Variants in CFAP221 observed in about 807,000 individuals in gnomAD.
CFAP221 encodes the protein cilia- and flagella-associated protein 221.
A neutral mutation model predicts 113.1 loss-of-function variants in CFAP221; 97 were observed. That is an observed-to-expected ratio of 0.86 (90% confidence interval 0.73 to 1.02). The LOEUF (loss-of-function observed/expected upper bound fraction) is 1.02. Ranked by LOEUF, CFAP221 falls within the 50% of genes least tolerant of loss-of-function variation. CFAP221 has a pLI of 0.00. For synonymous variants in CFAP221, 331 were observed against 354.4 expected, an observed-to-expected ratio of 0.93 and a Z score of 0.74; for missense variants, 1,025 against 1,013.4, an observed-to-expected ratio of 1.01 and a Z score of -0.16.
At chr2:119,549,586 A>G (rs1193087628) in intron 3 of CFAP221, among the ~76,000 whole-genome samples, 1 of 152,246 alleles carries the variant, frequency 6.6e-6, no homozygotes, top group Non-Finnish European at 1.5e-5. Context: ...AGAGCTGCTT[A>G]GTGTCAGAGG....
At position 119,549,162 on chromosome 2, in the gene CFAP221, G is replaced by A; in HGVS notation, c.217G>A (p.Glu73Lys). ...AATACATTTTGGAGGCTATCAAGTA[G>A]AAAAACAACACCAACAGATTCTGGT... ...GIIHFGGYQVEKQHQQILHLV... is the reference protein window; with the variant it reads ...GIIHFGGYQVKKQHQQILHLV... The change falls in exon 3 of 24, where the codon GAA (glutamate) becomes AAA (lysine). Residue 73 changes from glutamate (E) to lysine (K), a missense_variant. By Grantham distance (56) the Glu-to-Lys change is moderately conservative. Coordinates refer to ENST00000413369, the MANE Select transcript of CFAP221 (RefSeq NM_001271049.2). 1 of 1,534,126 alleles carries A rather than the reference G, an allele frequency of 6.5e-7. No homozygotes were observed. Among genetic ancestry groups the A allele is most frequent in the Non-Finnish European group, 8.7e-7 (1 of 1,146,134 alleles).
At chr2:119,583,793 A>G (rs1462078025) in intron 6 of CFAP221, among the ~76,000 whole-genome samples, 1 of 152,198 alleles carries the variant, frequency 6.6e-6, no homozygotes, top group Non-Finnish European at 1.5e-5. Context: ...TAGTGTCCTT[A>G]TAAAAGAGAT....
chr2:119,559,296 GTAAT>G (rs1286821670), intron 3 of CFAP221, among the ~76,000 whole-genome samples: 1 of 152,182 alleles, frequency 6.6e-6, no homozygotes, highest in Non-Finnish European at 1.5e-5. Context: ...CCAGTGGCAT[GTAAT>G]TAGAGAACCT....
intron 20 of CFAP221, among the ~76,000 whole-genome samples, chr2:119,639,081 T>TG (rs1308142772): frequency 5.0e-4 from 73 of 147,342 alleles, no homozygotes; most frequent in Admixed American, 1.9e-3. Context: ...CCCGGGGGGG[T>TG]GGGGGGGCGG....
intron 2 of CFAP221, 25 bp from the exon 3 acceptor site, chr2:119,549,060 G>A (rs747467459): frequency 1.1e-5 from 15 of 1,412,542 alleles, no homozygotes; most frequent in South Asian, 2.7e-5. Flanking sequence ...GTCTCATGAT[G>A]TGCTTATCTA....
Position 119,638,326 on chromosome 2 carries a change from A to T in CFAP221, c.2042A>T (p.His681Leu). The change falls in exon 20 of 24, where the codon CAT becomes CTT. Residue 681 changes from histidine (H) to leucine (L), a missense_variant. Transcript: ENST00000413369. Reference sequence around the variant, plus strand: ...TATGCAGAAACGTTGATAGATTACCATCTATGCTCTCACCCCAAGTACAAA... The same window carrying T: ...TATGCAGAAACGTTGATAGATTACCTTCTATGCTCTCACCCCAAGTACAAA... ...LTYAETLIDY[H>L]LCSHPKYKFT... 6.2e-7 allele frequency: 1 copy of T among 1,614,066 alleles called. No individual in the cohort carries two copies. The highest frequency in any genetic ancestry group is 8.5e-7 in the Non-Finnish European group (1 of 1,179,900).
intron 7 of CFAP221, among the ~76,000 whole-genome samples, chr2:119,595,135 A>G (rs575818782): frequency 6.6e-6 from 1 of 152,364 alleles, no homozygotes; most frequent in East Asian, 1.9e-4. Flanking sequence ...ATGGTGTGGC[A>G]GCCTAGCTGC....
chr2:119,618,206 C>T (rs1203385433), intron 14 of CFAP221, among the ~76,000 whole-genome samples: 1 of 152,152 alleles, frequency 6.6e-6, no homozygotes, highest in African/African-American at 2.4e-5. Flanking sequence ...TTTATTTGCT[C>T]CTTACTGTAT....
Position 119,617,523 on chromosome 2 carries a change from C to A in CFAP221, c.1410+1814C>A, listed in dbSNP as rs566327617. 3.5e-4 allele frequency among the ~76,000 whole-genome samples: 54 copies of A among 152,348 alleles called. 1 individual carries two copies. The highest frequency in any genetic ancestry group is 1.2e-3 in the Admixed American group (18 of 15,304). ...ACCACCTTGGTCCTTCTGCACTGAG[C>A]CTTCCAGCCTGAAAAAGGGTATCAG... On this transcript the variant is annotated intron_variant, in intron 14 of 23. Transcript: ENST00000413369.
rs148880008 is a variant in CFAP221, at chr2:119,598,102, A to T, written c.632-3116A>T. The stretch of plus-strand genomic sequence containing the variant: ...GCTCTATGACAATTTAGGGAGAGTG[A>T]TCTGTACTTTTTGAGATCTTTGAAG... On this transcript the variant is annotated intron_variant, in intron 7 of 23. Coordinates refer to ENST00000413369, the MANE Select transcript of CFAP221 (RefSeq NM_001271049.2). 3.5e-3 allele frequency among the ~76,000 whole-genome samples: 536 copies of T among 152,250 alleles called. 1 individual carries two copies. The highest frequency in any genetic ancestry group is 0.012 in the African/African-American group (512 of 41,542).
chr2:119,565,408 T>C (rs962060681), intron 6 of CFAP221, among the ~76,000 whole-genome samples: 1 of 152,216 alleles, frequency 6.6e-6, no homozygotes, highest in African/African-American at 2.4e-5. Context: ...TTTTCCCCTC[T>C]ATAAATTACT....
chr2:119,615,220 G>A lies in CFAP221; in HGVS notation c.1312-391G>A, dbSNP rs1015911158. On this transcript the variant is annotated intron_variant, in intron 13 of 23. Coordinates refer to ENST00000413369, the MANE Select transcript of CFAP221 (RefSeq NM_001271049.2). ...CATGTGGGACAATACATGTGTCAGC[G>A]CTGGGCATGCAGGGCTGAGTAAAGT... Among the ~76,000 whole-genome samples, 9 of 152,186 alleles carry A rather than the reference G, an allele frequency of 5.9e-5. No homozygotes were observed. In the South Asian group the frequency reaches 1.0e-3, roughly 18 times the overall value.
chr2:119,571,393 G>A (rs182697726), intron 6 of CFAP221, among the ~76,000 whole-genome samples: 163 of 151,582 alleles, frequency 1.1e-3, no homozygotes, highest in African/African-American at 3.8e-3. Context: ...ACCCACCTCC[G>A]CCTCCCAGAG....
At chr2:119,636,267 G>A (rs1558984573) in intron 19 of CFAP221, among the ~76,000 whole-genome samples, 1 of 152,174 alleles carries the variant, frequency 6.6e-6, no homozygotes, top group Non-Finnish European at 1.5e-5. Context: ...AAGCATGAAG[G>A]TCTTGGCTGT....
intron 23 of CFAP221, among the ~76,000 whole-genome samples, chr2:119,653,931 T>C (rs1444248543): frequency 6.6e-6 from 1 of 152,240 alleles, no homozygotes; most frequent in Non-Finnish European, 1.5e-5. Flanking sequence ...ATTTCTCTTC[T>C]TTTATGAGGG....
intron 3 of CFAP221, among the ~76,000 whole-genome samples, chr2:119,558,532 G>T (rs1680989103): frequency 1.3e-5 from 2 of 152,134 alleles, no homozygotes; most frequent in South Asian, 4.1e-4. Context: ...TTAAACACAT[G>T]CATGACCAGA....
chr2:119,565,401 T>TC (rs1006601147), intron 6 of CFAP221, among the ~76,000 whole-genome samples: 8 of 152,230 alleles, frequency 5.3e-5, no homozygotes, highest in Non-Finnish European at 8.8e-5. Context: ...TCTTCTTTTT[T>TC]CCCCTCTATA....
Position 119,544,475 on chromosome 2 carries a change from G to A in CFAP221, c.-83G>A, listed in dbSNP as rs1005003184. 6.6e-6 allele frequency: 1 copy of A among 151,814 alleles called. No individual in the cohort carries two copies. The highest frequency in any genetic ancestry group is 2.4e-5 in the African/African-American group (1 of 41,332). The allele number at this position is 151,814 out of a possible 1,614,324, so 9.4% of individuals were successfully genotyped here. The stretch of plus-strand genomic sequence containing the variant: ...ACGCTCCGAGCGGGCGCCGGCGCTG[G>A]CGCCGGCCGAATCCGGCCCGGGAAC... On this transcript the variant is annotated 5_prime_UTR_variant, in exon 1 of 24. Coordinates refer to ENST00000413369, the MANE Select transcript of CFAP221 (RefSeq NM_001271049.2).
intron 19 of CFAP221, among the ~76,000 whole-genome samples, chr2:119,635,131 A>T (rs1357048446): frequency 6.6e-6 from 1 of 152,256 alleles, no homozygotes; most frequent in Admixed American, 6.5e-5. Context: ...AGAATAATAC[A>T]TCATTAACAA....
Sources: gnomAD v4.1 joint callset for allele counts (sites outside exome capture counted in the v4.1 genomes callset) on GRCh38, gnomAD v4.1.1 for gene constraint, MANE v1.5 for transcripts, NCBI Gene and HGNC (gene_info 2026-07-23, HGNC 2026-07-21) for gene names.